The following HECW1 variants were observed in gnomAD, a reference collection of about 807,000 sequenced individuals.
HECW1 encodes the protein HECT, C2 and WW domain containing E3 ubiquitin protein ligase 1.
Under a neutral mutation model 182.3 loss-of-function variants are expected in HECW1, and 61 were observed. The ratio of observed to expected loss-of-function variants is 0.33; its 90% CI spans 0.27 to 0.41. The LOEUF (loss-of-function observed/expected upper bound fraction) is 0.41. Ranked by LOEUF, HECW1 falls within the 10% of genes least tolerant of loss-of-function variation. The probability of loss-of-function intolerance (pLI) is 1.00; values close to 1 mark genes in which losing one functional copy is unlikely to be tolerated. For missense variants in HECW1, 1,739 were observed against 2,108.9 expected, an observed-to-expected ratio of 0.82 and a Z score of 3.44; for synonymous variants, 859 against 832.6, an observed-to-expected ratio of 1.03 and a Z score of -0.55.
chr7:43,206,297 G>A (rs951815249), intron 2 of HECW1, among the ~76,000 whole-genome samples: 1 of 152,200 alleles, frequency 6.6e-6, no homozygotes, highest in Non-Finnish European at 1.5e-5. Context: ...GATCTTCCGG[G>A]AGGCTCTGTC....
intron 8 of HECW1, among the ~76,000 whole-genome samples, chr7:43,418,114 C>T (rs984375100): frequency 3.9e-5 from 6 of 152,264 alleles, no homozygotes; most frequent in East Asian, 1.9e-4. Flanking sequence ...TCCATCTTCA[C>T]GTGGTGTTCT....
At chr7:43,148,249 C>G (rs1052749834) in intron 2 of HECW1, among the ~76,000 whole-genome samples, 2 of 152,080 alleles carry the variant, frequency 1.3e-5, no homozygotes, top group Non-Finnish European at 2.9e-5. Context: ...CAAGGTTGTC[C>G]CATTCTGTGT....
At chr7:43,201,085 C>T (rs902012558) in intron 2 of HECW1, among the ~76,000 whole-genome samples, 1 of 152,144 alleles carries the variant, frequency 6.6e-6, no homozygotes, top group Non-Finnish European at 1.5e-5. Flanking sequence ...TGTTATTCAG[C>T]TTGAAGACCG....
chr7:43,495,453 C>T (rs1182058654), intron 19 of HECW1, among the ~76,000 whole-genome samples: 1 of 152,096 alleles, frequency 6.6e-6, no homozygotes, highest in African/African-American at 2.4e-5. Flanking sequence ...TTTTGTGCCT[C>T]GAAGATATTT....
chr7:43,305,036 C>G (rs1807377957), intron 3 of HECW1, among the ~76,000 whole-genome samples: 1 of 152,208 alleles, frequency 6.6e-6, no homozygotes, highest in Admixed American at 6.5e-5. Flanking sequence ...TCACTGAGTT[C>G]AGAGTGGAAG....
At chr7:43,259,222 A>G (rs995464471) in intron 3 of HECW1, among the ~76,000 whole-genome samples, 46 of 152,250 alleles carry the variant, frequency 3.0e-4, no homozygotes, top group African/African-American at 9.9e-4. Flanking sequence ...CCCTGTCTCT[A>G]CTAAAAATAC....
chr7:43,407,971 C>T (rs1289800775), intron 8 of HECW1, among the ~76,000 whole-genome samples: 2 of 152,190 alleles, frequency 1.3e-5, no homozygotes, highest in Non-Finnish European at 2.9e-5. Context: ...TCTTCTGATT[C>T]AGAACCCATG....
At chr7:43,132,788 G>GTTCC (rs1016496940) in intron 2 of HECW1, among the ~76,000 whole-genome samples, 2 of 151,754 alleles carry the variant, frequency 1.3e-5, no homozygotes, top group African/African-American at 2.4e-5. Flanking sequence ...CCCTTCCTCT[G>GTTCC]TTCCTTCCTT....
chr7:43,177,935 A>T (rs1792421652), intron 2 of HECW1, among the ~76,000 whole-genome samples: 1 of 152,086 alleles, frequency 6.6e-6, no homozygotes. Flanking sequence ...TTTCTTTAGC[A>T]CTTAACCAAT....
chr7:43,221,748 T>A (rs1796993525), intron 2 of HECW1, among the ~76,000 whole-genome samples: 1 of 151,702 alleles, frequency 6.6e-6, no homozygotes, highest in South Asian at 2.1e-4. Flanking sequence ...AGAGACAGGG[T>A]TTCACCGTAT....
At chr7:43,201,067 T>C (rs1339943576) in intron 2 of HECW1, among the ~76,000 whole-genome samples, 1 of 151,360 alleles carries the variant, frequency 6.6e-6, no homozygotes, top group Admixed American at 6.6e-5. Context: ...ATAGGGGAGG[T>C]GTGTGTGTGT....
At chr7:43,430,431 T>G (rs1346592420) in intron 8 of HECW1, among the ~76,000 whole-genome samples, 2 of 152,248 alleles carry the variant, frequency 1.3e-5, no homozygotes, top group Admixed American at 6.5e-5. Context: ...ACAAAAAGTA[T>G]AGATTACAAT....
chr7:43,310,178 T>C (rs1346003711), intron 3 of HECW1, among the ~76,000 whole-genome samples: 1 of 152,178 alleles, frequency 6.6e-6, no homozygotes, highest in African/African-American at 2.4e-5. Flanking sequence ...TGCAGCAGCC[T>C]TTCTGTTTGG....
intron 2 of HECW1, among the ~76,000 whole-genome samples, chr7:43,145,114 C>A (rs1788558621): frequency 6.6e-6 from 1 of 152,144 alleles, no homozygotes; most frequent in Admixed American, 6.5e-5. Context: ...TACTAACTCT[C>A]TCAACAGAAA....
chr7:43,464,207 C>G (rs1041977757), intron 14 of HECW1, among the ~76,000 whole-genome samples: 7 of 152,106 alleles, frequency 4.6e-5, no homozygotes, highest in African/African-American at 1.7e-4. Flanking sequence ...TGTTGGTGTT[C>G]TAAGGATTTT....
chr7:43,277,069 T>G (rs568869225), intron 3 of HECW1, among the ~76,000 whole-genome samples: 1 of 152,218 alleles, frequency 6.6e-6, no homozygotes, highest in African/African-American at 2.4e-5. Context: ...CTCCTTTCTC[T>G]AGTCCTCCTC....
chr7:43,396,074 A>G (rs981169270), intron 6 of HECW1, among the ~76,000 whole-genome samples: 3 of 152,250 alleles, frequency 2.0e-5, no homozygotes, highest in Admixed American at 1.3e-4. Flanking sequence ...AAAGGCAAAT[A>G]GGAAGAGTCA....
At chr7:43,470,074 C>T (rs533820922) in intron 16 of HECW1, among the ~76,000 whole-genome samples, 1 of 152,332 alleles carries the variant, frequency 6.6e-6, no homozygotes, top group African/African-American at 2.4e-5. Context: ...GGACCAGCTC[C>T]TCTGTAACCA....
rs1409611120 is a variant in HECW1, at chr7:43,488,442, AAG to A, written c.3235-3631_3235-3630del. 4.6e-5 allele frequency among the ~76,000 whole-genome samples: 6 copies of A among 130,394 alleles called. No individual in the cohort carries two copies. The East Asian group carries it at 9.2e-4, about 20-fold the overall frequency. The allele number at this position is 130,394 out of a possible 152,430, so 85.5% of individuals were successfully genotyped here. On this transcript the variant is annotated intron_variant, in intron 17 of 29. Transcript: ENST00000395891. Reference sequence around the variant, plus strand: ...AGAGAGAAAGAAAGAAAGAGAAAGAAAGAAAGAAAGAAAGAAAGAAAGAAAGA... The same window carrying A: ...AGAGAGAAAGAAAGAAAGAGAAAGAAAAAGAAAGAAAGAAAGAAAGAAAGA...
Sources: gnomAD v4.1 joint callset for allele counts (sites outside exome capture counted in the v4.1 genomes callset) on GRCh38, gnomAD v4.1.1 for gene constraint, MANE v1.5 for transcripts, NCBI Gene and HGNC (gene_info 2026-07-23, HGNC 2026-07-21) for gene names.